The following MBD5 variants were observed in gnomAD, a reference collection of about 807,000 sequenced individuals.
The protein encoded by MBD5 is methyl-CpG-binding domain protein 5.
In MBD5, 13 loss-of-function variants were observed where a neutral mutation model predicts 117.3. The observed-to-expected ratio is 0.11, with a 90% CI of 0.07 to 0.18. The LOEUF (loss-of-function observed/expected upper bound fraction) is 0.18. MBD5 is among the 10% of genes least tolerant of loss of function. The pLI, the probability that MBD5 is intolerant of heterozygous loss-of-function variation, is 1.00. For missense variants in MBD5, 1,879 were observed against 2,093.8 expected (o/e 0.90, Z 2.00); for synonymous variants, 727 against 766.4 (o/e 0.95, Z 0.85).
intron 4 of MBD5, among the ~76,000 whole-genome samples, chr2:148,432,892 A>G (rs900576001): frequency 6.6e-6 from 1 of 152,106 alleles, no homozygotes; most frequent in Non-Finnish European, 1.5e-5. Flanking sequence ...AGTTTTTCTA[A>G]TTCTGTGAAG....
At chr2:148,223,447 G>A (rs1699742726) in intron 2 of MBD5, among the ~76,000 whole-genome samples, 1 of 152,142 alleles carries the variant, frequency 6.6e-6, no homozygotes, top group South Asian at 2.1e-4. Context: ...CTTGTTACTG[G>A]TTTGTTCAGG....
chr2:148,431,182 T>G (rs1705972194), intron 4 of MBD5, among the ~76,000 whole-genome samples: 1 of 152,126 alleles, frequency 6.6e-6, no homozygotes, highest in Non-Finnish European at 1.5e-5. Flanking sequence ...CCTTATTTTT[T>G]AAAAGGCTGG....
At position 148,513,714 on chromosome 2, in the gene MBD5, A is replaced by T. The variant is rs1010092191; in HGVS notation, c.*773A>T. On this transcript the variant is annotated 3_prime_UTR_variant, in exon 14 of 14. Coordinates refer to ENST00000642680, the MANE Select transcript of MBD5 (RefSeq NM_001378120.1). ...CAGAAACTGCAACCATTTGTTGCAT[A>T]TTTTTTTTACCTAAGTTTTAAAATA... is the stretch of plus-strand genomic sequence containing the variant. 1 of 152,006 alleles carries T rather than the reference A, an allele frequency of 6.6e-6. No individual in the cohort carries two copies. The highest frequency in any genetic ancestry group is 2.4e-5 in the African/African-American group (1 of 41,404). 9.4% of individuals were successfully genotyped at this position (152,006 alleles called of 1,614,324 possible).
intron 1 of MBD5, among the ~76,000 whole-genome samples, chr2:148,032,811 G>A (rs1309442831): frequency 6.6e-6 from 1 of 152,018 alleles, no homozygotes; most frequent in Non-Finnish European, 1.5e-5. Flanking sequence ...TACAGTGACA[G>A]GTCTCATAAG....
intron 1 of MBD5, among the ~76,000 whole-genome samples, chr2:148,121,862 A>G (rs1455489084): frequency 3.3e-5 from 5 of 152,142 alleles, no homozygotes; most frequent in Non-Finnish European, 5.9e-5. Flanking sequence ...TCCTTTGGAT[A>G]TAAGTTAAAA....
intron 4 of MBD5, among the ~76,000 whole-genome samples, chr2:148,419,249 AAACCTAAGACCTGAT>A: frequency 6.6e-6 from 1 of 152,186 alleles, no homozygotes; most frequent in East Asian, 1.9e-4. Flanking sequence ...TTAAAGACTT[AAACCTAAGACCTGAT>A]AACCATACAA....
Position 148,152,190 on chromosome 2 carries a change from G to T in MBD5, c.-924-26510G>T, listed in dbSNP as rs369864114. Among the ~76,000 whole-genome samples the T allele has an allele frequency of 3.3e-5, 5 of 152,146 alleles. No individual in the cohort carries two copies. In the East Asian group the frequency reaches 5.8e-4, roughly 18 times the overall value. On this transcript the variant is annotated intron_variant, in intron 1 of 13. Coordinates refer to ENST00000642680, the MANE Select transcript of MBD5 (RefSeq NM_001378120.1). Reference sequence around the variant, plus strand: ...ACATCTTTATTTCTGCCTTCATCTCGTTATGTACCCAGTAGTCATTCAGGA... The same window carrying T: ...ACATCTTTATTTCTGCCTTCATCTCTTTATGTACCCAGTAGTCATTCAGGA...
At chr2:148,336,060 A>C (rs1008026021) in intron 3 of MBD5, among the ~76,000 whole-genome samples, 6 of 152,348 alleles carry the variant, frequency 3.9e-5, no homozygotes, top group Middle Eastern at 3.4e-3. Context: ...CAAAACTTGG[A>C]GAAAAGTCAA....
At chr2:148,144,376 A>T (rs1198843664) in intron 1 of MBD5, among the ~76,000 whole-genome samples, 1 of 151,620 alleles carries the variant, frequency 6.6e-6, no homozygotes, top group African/African-American at 2.4e-5. Context: ...GATTGCAAAA[A>T]TTTTCTCCCA....
At chr2:148,142,927 T>C (rs1697353491) in intron 1 of MBD5, among the ~76,000 whole-genome samples, 1 of 152,190 alleles carries the variant, frequency 6.6e-6, no homozygotes, top group South Asian at 2.1e-4. Flanking sequence ...TGTTCCTAGT[T>C]CACTTTTGGG....
At chr2:148,160,214 A>T (rs112326779) in intron 1 of MBD5, among the ~76,000 whole-genome samples, 8,025 of 152,014 alleles carry the variant, frequency 0.053, 240 homozygotes, top group African/African-American at 0.078. Flanking sequence ...CCTGGCCAAC[A>T]TGATGAAACC....
intron 1 of MBD5, among the ~76,000 whole-genome samples, chr2:148,113,082 A>G (rs1474408217): frequency 1.3e-5 from 2 of 152,200 alleles, no homozygotes; most frequent in Admixed American, 1.3e-4. Flanking sequence ...TTTAGCGTAC[A>G]GTGAGTCAGC....
chr2:148,259,490 A>T (rs1700680113), intron 3 of MBD5, among the ~76,000 whole-genome samples: 1 of 152,132 alleles, frequency 6.6e-6, no homozygotes, highest in Non-Finnish European at 1.5e-5. Context: ...GCCGACCCAG[A>T]ATCAGTGGGG....
intron 2 of MBD5, among the ~76,000 whole-genome samples, chr2:148,190,814 G>A (rs1197830522): frequency 1.7e-5 from 1 of 57,182 alleles, no homozygotes; most frequent in African/African-American, 5.6e-5. Flanking sequence ...AGACTGGCAA[G>A]TTGGATAAAG....
chr2:148,334,475 T>G (rs1702736761), intron 3 of MBD5, among the ~76,000 whole-genome samples: 2 of 151,924 alleles, frequency 1.3e-5, no homozygotes, highest in East Asian at 1.9e-4. Flanking sequence ...TGAGACTACA[T>G]GTGTGCGCCA....
chr2:148,260,188 T>A (rs1700700037), intron 3 of MBD5, among the ~76,000 whole-genome samples: 1 of 152,220 alleles, frequency 6.6e-6, no homozygotes, highest in Admixed American at 6.5e-5. Flanking sequence ...AAAATTTGAA[T>A]CAATTCTCTC....
intron 3 of MBD5, among the ~76,000 whole-genome samples, chr2:148,311,900 G>A (rs1000820635): frequency 6.6e-5 from 10 of 152,160 alleles, no homozygotes; most frequent in Admixed American, 4.6e-4. Flanking sequence ...TTTCTCCTTC[G>A]CTTTGGAAGC....
chr2:148,322,483 T>C (rs1702307334), intron 3 of MBD5, among the ~76,000 whole-genome samples: 2 of 152,248 alleles, frequency 1.3e-5, no homozygotes, highest in Admixed American at 6.5e-5. Context: ...TTTTATGAAA[T>C]TTGATCTTAA....
At chr2:148,061,139 A>C (rs535901536) in intron 1 of MBD5, among the ~76,000 whole-genome samples, 3 of 152,220 alleles carry the variant, frequency 2.0e-5, no homozygotes, top group African/African-American at 7.2e-5. Context: ...TTTATAATCA[A>C]AGAGGATTTT....
Sources: allele counts gnomAD v4.1 joint callset (sites outside exome capture counted in the v4.1 genomes callset), GRCh38; gene constraint gnomAD v4.1.1; transcripts MANE v1.5; gene names NCBI Gene and HGNC (gene_info 2026-07-23, HGNC 2026-07-21).